KDM4C: variants seen among roughly 807,000 people sequenced by gnomAD.
The protein encoded by KDM4C is lysine demethylase 4C.
A neutral mutation model predicts 129.3 loss-of-function variants in KDM4C; 81 were observed. The observed-to-expected ratio is 0.63, with a 90% CI of 0.52 to 0.75. The LOEUF (loss-of-function observed/expected upper bound fraction) is 0.75, where lower values mean the gene tolerates loss of function less well. Among genes scored for constraint, KDM4C ranks in the 30% least tolerant of loss-of-function variants. The probability of loss-of-function intolerance (pLI) is 0.00; values close to 1 mark genes in which losing one functional copy is unlikely to be tolerated. For missense variants in KDM4C, 1,457 were observed against 1,304.0 expected (o/e 1.12, Z -1.81); for synonymous variants, 573 against 456.1 (o/e 1.26, Z -3.26).
At chr9:6,939,158 G>C (rs952175229) in intron 8 of KDM4C, among the ~76,000 whole-genome samples, 12 of 151,918 alleles carry the variant, frequency 7.9e-5, no homozygotes, top group Admixed American at 2.0e-4. Context: ...GAGCTAGCAA[G>C]GGCAGCAGGT....
intron 10 of KDM4C, among the ~76,000 whole-genome samples, chr9:6,985,692 A>T (rs1435971269): frequency 1.3e-5 from 2 of 152,020 alleles, no homozygotes; most frequent in Admixed American, 6.6e-5. Flanking sequence ...TTTTTTTAAA[A>T]TTTTTAAATT....
intron 15 of KDM4C, among the ~76,000 whole-genome samples, chr9:7,023,018 T>A (rs1825154180): frequency 1.3e-5 from 2 of 152,232 alleles, no homozygotes; most frequent in African/African-American, 4.8e-5. Context: ...TGATGAATGA[T>A]CTTTTTAATG....
intron 8 of KDM4C, among the ~76,000 whole-genome samples, chr9:6,975,806 G>C (rs1433064581): frequency 6.6e-6 from 1 of 152,216 alleles, no homozygotes; most frequent in Non-Finnish European, 1.5e-5. Context: ...CTTTGGGCGA[G>C]GTGGGTGGAT....
At position 6,808,007 on chromosome 9, in the gene KDM4C, C is replaced by T. The variant is rs1490055508; in HGVS notation, c.320+2233C>T. On this transcript the variant is annotated intron_variant, in intron 3 of 21. Transcript: ENST00000381309. ...AGGGAGGTGGGGGGGGTCAGCCCCC[C>T]TGCCCGGCCAGCCGCCCCGTCCGGG... Among the ~76,000 whole-genome samples, 3 of 113,792 alleles carry T rather than the reference C, an allele frequency of 2.6e-5. No individual in the cohort carries two copies. The South Asian group carries it at 8.0e-4, about 30-fold the overall frequency. 74.7% of individuals were successfully genotyped at this position (113,792 alleles called of 152,430 possible).
At chr9:7,080,065 C>T (rs1202074969) in intron 17 of KDM4C, among the ~76,000 whole-genome samples, 1 of 152,052 alleles carries the variant, frequency 6.6e-6, no homozygotes, top group Non-Finnish European at 1.5e-5. Context: ...TCATCTAGGC[C>T]ATGGATTTAT....
intron 12 of KDM4C, among the ~76,000 whole-genome samples, chr9:7,005,205 G>T (rs1425285817): frequency 6.6e-6 from 1 of 152,174 alleles, no homozygotes; most frequent in African/African-American, 2.4e-5. Context: ...GGAGGCTGAG[G>T]TGGGCAGATC....
chr9:6,852,504 C>G (rs535628630), intron 5 of KDM4C, among the ~76,000 whole-genome samples: 1 of 152,154 alleles, frequency 6.6e-6, no homozygotes, highest in South Asian at 2.1e-4. Context: ...GTTGACAAAA[C>G]GAGAGGATGA....
intron 12 of KDM4C, among the ~76,000 whole-genome samples, chr9:6,991,341 C>T (rs899366037): frequency 1.1e-4 from 17 of 152,080 alleles, no homozygotes; most frequent in African/African-American, 3.6e-4. Flanking sequence ...GCCTCAGCCC[C>T]GCAAAGTGCT....
intron 15 of KDM4C, among the ~76,000 whole-genome samples, chr9:7,033,593 G>A (rs927454164): frequency 1.1e-4 from 16 of 152,196 alleles, no homozygotes; most frequent in Non-Finnish European, 2.2e-4. Context: ...GAACTGCTGA[G>A]TGGCTAAAAA....
intron 2 of KDM4C, among the ~76,000 whole-genome samples, chr9:6,796,962 C>T (rs373969672): frequency 4.1e-4 from 62 of 151,802 alleles, no homozygotes; most frequent in African/African-American, 1.4e-3. Flanking sequence ...GGGAACCGAG[C>T]CACCCATGAT....
chr9:6,854,772 A>C (rs79890774), intron 5 of KDM4C, among the ~76,000 whole-genome samples: 223 of 152,368 alleles, frequency 1.5e-3, no homozygotes, highest in Middle Eastern at 3.4e-3. Flanking sequence ...CCAATTATTC[A>C]GGATAGATAC....
chr9:6,721,842 C>G (rs1168360381), intron 1 of KDM4C, among the ~76,000 whole-genome samples: 2 of 152,022 alleles, frequency 1.3e-5, no homozygotes, highest in African/African-American at 4.8e-5. Flanking sequence ...CCCACCTTGG[C>G]CTCCCAAAGT....
At chr9:6,785,930 C>T (rs1425371161) in intron 1 of KDM4C, among the ~76,000 whole-genome samples, 1 of 152,172 alleles carries the variant, frequency 6.6e-6, no homozygotes, top group Non-Finnish European at 1.5e-5. Flanking sequence ...AGGTAGGGCC[C>T]AGAATCCTTC....
intron 2 of KDM4C, among the ~76,000 whole-genome samples, chr9:6,797,673 T>C (rs1374057187): frequency 6.6e-6 from 1 of 152,220 alleles, no homozygotes; most frequent in African/African-American, 2.4e-5. Context: ...TGTAGTTTTA[T>C]GAACAGCCTA....
At position 7,150,302 on chromosome 9, in the gene KDM4C, G is replaced by C. The variant is rs138318612; in HGVS notation, c.2782-14936G>C. 3.9e-5 allele frequency among the ~76,000 whole-genome samples: 6 copies of C among 152,306 alleles called. No individual in the cohort carries two copies. In the East Asian group the frequency reaches 1.2e-3, roughly 29 times the overall value. ...CTATAATTAGCTCAGTTTGTGTGCAGGGTGGCTTAACGTGGAGGAAGTGGC... is the reference window on the plus strand; with the variant it reads ...CTATAATTAGCTCAGTTTGTGTGCACGGTGGCTTAACGTGGAGGAAGTGGC... On this transcript the variant is annotated intron_variant, in intron 19 of 21. Transcript: ENST00000381309.
intron 1 of KDM4C, among the ~76,000 whole-genome samples, chr9:6,771,677 C>A (rs558252267): frequency 6.6e-6 from 1 of 152,170 alleles, no homozygotes; most frequent in Non-Finnish European, 1.5e-5. Context: ...CATGGCCTCC[C>A]ATGAGTCCTT....
At chr9:6,792,296 T>C (rs1826813575) in intron 1 of KDM4C, among the ~76,000 whole-genome samples, 1 of 152,084 alleles carries the variant, frequency 6.6e-6, no homozygotes, top group Non-Finnish European at 1.5e-5. Context: ...TGAGCCGAGA[T>C]TGCGCCGCTG....
intron 13 of KDM4C, among the ~76,000 whole-genome samples, chr9:7,013,280 A>T (rs1003641775): frequency 6.6e-6 from 1 of 152,150 alleles, no homozygotes; most frequent in African/African-American, 2.4e-5. Flanking sequence ...ATTTTGTTTG[A>T]TACATTATCC....
At chr9:6,942,746 C>A (rs764263579) in intron 8 of KDM4C, 1 of 152,084 alleles carries the variant, frequency 6.6e-6, no homozygotes, top group Non-Finnish European at 1.5e-5. Context: ...ATCTGCCTTT[C>A]CTTTGACAGT....
Sources: allele counts gnomAD v4.1 joint callset (sites outside exome capture counted in the v4.1 genomes callset), GRCh38; gene constraint gnomAD v4.1.1; transcripts MANE v1.5; gene names NCBI Gene and HGNC (gene_info 2026-07-23, HGNC 2026-07-21).